SERPINB7: variants seen among roughly 807,000 people sequenced by gnomAD.
SERPINB7 encodes the protein serpin family B member 7.
Under a neutral mutation model 37.4 loss-of-function variants are expected in SERPINB7, and 31 were observed. The observed-to-expected ratio is 0.83, with a 90% confidence interval of 0.62 to 1.12. The LOEUF is 1.12. Among genes scored for constraint, SERPINB7 ranks in the 50% most tolerant of loss-of-function variants. The pLI is 0.00. For synonymous variants in SERPINB7, 163 were observed against 166.1 expected (o/e 0.98, Z 0.14); for missense variants, 521 against 455.3 (o/e 1.14, Z -1.31).
chr18:63,778,972 T>C (rs2049276811), intron 1 of SERPINB7, among the ~76,000 whole-genome samples: 1 of 152,208 alleles, frequency 6.6e-6, no homozygotes, highest in Non-Finnish European at 1.5e-5. Context: ...AGTATATTTT[T>C]AGCAAAATGA....
intron 1 of SERPINB7, among the ~76,000 whole-genome samples, chr18:63,761,695 A>G (rs1176242062): frequency 6.6e-6 from 1 of 152,216 alleles, no homozygotes; most frequent in Non-Finnish European, 1.5e-5. Flanking sequence ...AAGTCTCACA[A>G]GATCTGATGG....
At chr18:63,754,610 A>G (rs192888055) in intron 1 of SERPINB7, among the ~76,000 whole-genome samples, 234 of 152,280 alleles carry the variant, frequency 1.5e-3, no homozygotes, top group African/African-American at 5.5e-3. Context: ...CAGGACACGC[A>G]GGTATCAGTC....
intron 7 of SERPINB7, 137 bp downstream of exon 7, chr18:63,801,149 A>T (rs1390316395): frequency 4.9e-6 from 4 of 821,550 alleles, no homozygotes; most frequent in East Asian, 2.6e-5. Context: ...TTATTTGACA[A>T]ATATTTAAGG....
chr18:63,775,820 T>C (rs1568204172), intron 1 of SERPINB7, 104 bp downstream of exon 1: 1 of 152,132 alleles, frequency 6.6e-6, no homozygotes, highest in South Asian at 2.1e-4. Flanking sequence ...TCAAGGAAGA[T>C]GTAAATGGCC....
At chr18:63,760,383 T>C (rs2049146575) in intron 1 of SERPINB7, among the ~76,000 whole-genome samples, 1 of 152,184 alleles carries the variant, frequency 6.6e-6, no homozygotes, top group South Asian at 2.1e-4. Context: ...GTTAAAGGCA[T>C]TCTGTTTTAT....
intron 1 of SERPINB7, 89 bp from the exon 2 acceptor site, chr18:63,782,266 T>C: frequency 1.1e-6 from 1 of 903,850 alleles, no homozygotes; most frequent in Non-Finnish European, 1.5e-6. Context: ...AAAATGAAGC[T>C]TTAAATTATA....
chr18:63,793,123 G>T lies in SERPINB7; in HGVS notation c.220-38G>T, dbSNP rs200622828. On this transcript the variant is annotated intron_variant, in intron 3 of 7. Transcript: ENST00000398019. ...AAGTGAGATTATGCATATCTTTGCA[G>T]TCCAAAAATAAATTTTTATACATCT... 634 of 1,153,810 alleles carry T rather than the reference G, an allele frequency of 5.5e-4. 5 individuals carry two copies. In the African/African-American group the frequency reaches 8.7e-3, roughly 16 times the overall value. 71.5% of individuals were successfully genotyped at this position (1,153,810 alleles called of 1,614,324 possible).
At chr18:63,774,561 C>T (rs1358491081), upstream of SERPINB7, among the ~76,000 whole-genome samples, 3 of 151,990 alleles carry the variant, frequency 2.0e-5, no homozygotes, top group African/African-American at 7.2e-5. Flanking sequence ...GTGTAGGCAA[C>T]CAACTGGGCC....
chr18:63,776,503 C>A (rs1216161445), intron 1 of SERPINB7, among the ~76,000 whole-genome samples: 2 of 151,704 alleles, frequency 1.3e-5, no homozygotes, highest in Non-Finnish European at 2.9e-5. Flanking sequence ...GAGCTGATGG[C>A]TACTGCTGTG....
intron 6 of SERPINB7, among the ~76,000 whole-genome samples, chr18:63,800,180 A>G (rs1321449153): frequency 2.0e-5 from 3 of 151,976 alleles, no homozygotes; most frequent in African/African-American, 7.2e-5. Context: ...CAGCCTCCCA[A>G]GTAGCTGGGA....
intron 1 of SERPINB7, among the ~76,000 whole-genome samples, chr18:63,762,328 G>A (rs1291932102): frequency 1.3e-5 from 2 of 152,206 alleles, no homozygotes; most frequent in African/African-American, 4.8e-5. Flanking sequence ...TTGGTTTAAT[G>A]TGCAGGCTGG....
chr18:63,783,005 G>A (rs1293391824), intron 2 of SERPINB7, among the ~76,000 whole-genome samples: 5 of 151,642 alleles, frequency 3.3e-5, no homozygotes, highest in Non-Finnish European at 5.9e-5. Context: ...GGGCATGGTG[G>A]CGGGCGCCTG....
intron 1 of SERPINB7, among the ~76,000 whole-genome samples, chr18:63,778,802 T>C (rs1244392455): frequency 1.3e-5 from 2 of 152,136 alleles, no homozygotes; most frequent in African/African-American, 4.8e-5. Context: ...AGGAATCAAA[T>C]AGGCTTCAGG....
At chr18:63,800,267 G>T (rs2144644800) in intron 6 of SERPINB7, among the ~76,000 whole-genome samples, 1 of 151,872 alleles carries the variant, frequency 6.6e-6, no homozygotes, top group East Asian at 1.9e-4. Flanking sequence ...TCGCCATGTT[G>T]CTCAGCCTGG....
chr18:63,770,608 T>G (rs181720165), upstream of SERPINB7, among the ~76,000 whole-genome samples: 25 of 152,004 alleles, frequency 1.6e-4, 1 homozygote, highest in East Asian at 4.8e-3. Context: ...AACATGTGAG[T>G]TTTTCTGCTG....
At chr18:63,753,132 T>C (rs1165058848) in intron 1 of SERPINB7, 1 of 152,416 alleles carries the variant, frequency 6.6e-6, no homozygotes, top group African/African-American at 2.4e-5. Context: ...TGAGTGCTTA[T>C]GCTGGGTTAT....
At chr18:63,768,785 C>T (rs903382659) in intron 1 of SERPINB7, among the ~76,000 whole-genome samples, 1 of 152,066 alleles carries the variant, frequency 6.6e-6, no homozygotes, top group African/African-American at 2.4e-5. Context: ...CAAAACTCCC[C>T]AAGGTCCCTT....
chr18:63,797,268 T>A (rs574766123), intron 5 of SERPINB7, among the ~76,000 whole-genome samples: 2 of 152,322 alleles, frequency 1.3e-5, no homozygotes, highest in Non-Finnish European at 2.9e-5. Context: ...CACTTTTAAA[T>A]GCAAACTTTC....
chr18:63,769,278 A>G (rs980965349), intron 1 of SERPINB7, among the ~76,000 whole-genome samples: 3 of 152,072 alleles, frequency 2.0e-5, no homozygotes, highest in South Asian at 2.1e-4. Flanking sequence ...CATCATTTTC[A>G]TTACTACATT....
Sources: allele counts gnomAD v4.1 joint callset (sites outside exome capture counted in the v4.1 genomes callset), GRCh38; gene constraint gnomAD v4.1.1; transcripts MANE v1.5; gene names NCBI Gene and HGNC (gene_info 2026-07-23, HGNC 2026-07-21).